The following ARAP1 variants were observed in gnomAD, a reference collection of about 807,000 sequenced individuals.
ARAP1 encodes the protein ArfGAP with RhoGAP domain, ankyrin repeat and PH domain 1, also known as arf-GAP with Rho-GAP domain, ANK repeat and PH domain-containing protein 1.
Under a neutral mutation model 172.2 loss-of-function variants are expected in ARAP1, and 76 were observed. The observed-to-expected ratio is 0.44, with a 90% confidence interval of 0.37 to 0.53. The LOEUF (loss-of-function observed/expected upper bound fraction) is 0.53. Among genes scored for constraint, ARAP1 ranks in the 20% least tolerant of loss-of-function variants. The probability of loss-of-function intolerance (pLI) is 0.00; values close to 1 mark genes in which losing one functional copy is unlikely to be tolerated. For missense variants in ARAP1, 1,686 were observed against 1,977.5 expected (o/e 0.85, Z 2.80); for synonymous variants, 804 against 803.3 (o/e 1.00, Z -0.01).
At chr11:72,752,109 G>A (rs924026443) in intron 1 of ARAP1, among the ~76,000 whole-genome samples, 14 of 152,346 alleles carry the variant, frequency 9.2e-5, no homozygotes, top group Middle Eastern at 3.4e-3. Flanking sequence ...TGGAAGCCCC[G>A]GGTCCCGCTG....
At chr11:72,738,196 G>A (rs1303808187) in intron 1 of ARAP1, among the ~76,000 whole-genome samples, 2 of 152,212 alleles carry the variant, frequency 1.3e-5, no homozygotes, top group Non-Finnish European at 2.9e-5. Flanking sequence ...AGGACCTGGT[G>A]AATTTGGTGA....
At chr11:72,732,004 T>C (rs1045699564) in intron 2 of ARAP1, among the ~76,000 whole-genome samples, 3 of 152,118 alleles carry the variant, frequency 2.0e-5, no homozygotes, top group Non-Finnish European at 4.4e-5. Context: ...AAAATATACA[T>C]ATGTTATATA....
At chr11:72,742,236 G>T (rs1414739763) in intron 1 of ARAP1, among the ~76,000 whole-genome samples, 1 of 152,148 alleles carries the variant, frequency 6.6e-6, no homozygotes, top group African/African-American at 2.4e-5. Context: ...AGGCCCACAG[G>T]GAGCCCTGGA....
rs537754389 is a variant in ARAP1 at position 72,702,445 on chromosome 11, G to A, written c.2167+460C>T. On this transcript the variant is annotated intron_variant, in intron 15 of 34. Coordinates refer to ENST00000393609, the MANE Select transcript of ARAP1 (RefSeq NM_001040118.3). ...CACCCACCCCAAGAGGGAGCCAATG[G>A]TACCCAAACCAAGTTCAGGATTGAG... 7.9e-5 allele frequency among the ~76,000 whole-genome samples: 12 copies of A among 152,276 alleles called. No individual in the cohort carries two copies. In the South Asian group the frequency reaches 2.5e-3, roughly 32 times the overall value.
intron 12 of ARAP1, among the ~76,000 whole-genome samples, chr11:72,706,282 T>G (rs1163062380): frequency 6.6e-6 from 1 of 152,150 alleles, no homozygotes; most frequent in African/African-American, 2.4e-5. Context: ...TCCTTCATCT[T>G]TCTACCCAGA....
chr11:72,713,352 A>C lies in ARAP1; in HGVS notation c.680-109T>G. 1.2e-5 allele frequency: 12 copies of C among 994,100 alleles called. No homozygotes were observed. In the South Asian group the frequency reaches 1.5e-4, roughly 12 times the overall value. 61.6% of individuals were successfully genotyped at this position (994,100 alleles called of 1,614,324 possible). On this transcript the variant is annotated intron_variant, in intron 4 of 34. Coordinates refer to ENST00000393609, the MANE Select transcript of ARAP1 (RefSeq NM_001040118.3). ...CCCCCATGCCAAGACCCCCATCCCC[A>C]CCTCCCCCTGGCTTTCAAAAAAAGG...
rs1307008183 is a variant in ARAP1, at chr11:72,699,166, C to A, written c.2439-59G>T. The A allele has an allele frequency of 2.6e-6, 4 of 1,568,028 alleles. No homozygotes were observed. Among genetic ancestry groups the A allele is most frequent in the African/African-American group, 2.7e-5 (2 of 74,010 alleles). ...TCATCCAGCACGGGCCCACCCCCAA[C>A]CCGCACCATCAACCGCCATCCTCTG... On this transcript the variant is annotated intron_variant, in intron 17 of 34. Coordinates refer to ENST00000393609, the MANE Select transcript of ARAP1 (RefSeq NM_001040118.3). The surrounding 1 kb of genome is among the most constrained non-coding windows in gnomAD (Gnocchi z 4.2).
At chr11:72,709,045 CA>C (rs34249967) in intron 11 of ARAP1, among the ~76,000 whole-genome samples, 529 of 50,294 alleles carry the variant, frequency 0.011, no homozygotes, top group African/African-American at 0.019. Context: ...TCTCAAAAAG[CA>C]AAAAAAAAAA....
rs138364636 is a variant in ARAP1 at position 72,710,474 on chromosome 11, G to A, written c.1327C>T (p.Arg443Cys). The change falls in exon 10 of 35, where the codon CGC (arginine) becomes TGC (cysteine). Residue 443 changes from arginine (R) to cysteine (C), a missense_variant. Physicochemically the swap from Arg to Cys is radical, Grantham distance 180. Coordinates refer to ENST00000393609, the MANE Select transcript of ARAP1 (RefSeq NM_001040118.3). This position sits in a 1 kb window ranked among gnomAD's most constrained non-coding sequence, Gnocchi z 4.3. The part of the protein sequence containing the change: ...LGVPGSEQPD[R>C]AGSLELRGFK... ...CCACGAAGCTCCAGGCTGCCAGCGCGGTCAGGCTGCTCTGAGCCTGGAACT... is the reference window on the plus strand; with the variant it reads ...CCACGAAGCTCCAGGCTGCCAGCGCAGTCAGGCTGCTCTGAGCCTGGAACT... 40 of 1,613,962 alleles carry A rather than the reference G, an allele frequency of 2.5e-5. No homozygotes were observed. The African/African-American group carries it at 3.6e-4, about 15-fold the overall frequency.
chr11:72,721,267 GGGA>G (rs1401590368), intron 3 of ARAP1, among the ~76,000 whole-genome samples: 5 of 152,158 alleles, frequency 3.3e-5, no homozygotes, highest in Non-Finnish European at 5.9e-5. Flanking sequence ...CTCAGGAAAG[GGGA>G]GACCAGCCCC....
intron 3 of ARAP1, among the ~76,000 whole-genome samples, chr11:72,722,796 T>C (rs1365141270): frequency 6.6e-6 from 1 of 152,186 alleles, no homozygotes; most frequent in South Asian, 2.1e-4. Context: ...ATCTGCGGCA[T>C]GACCCTGGAA....
rs773476771 is a variant in ARAP1 at position 72,741,376 on chromosome 11, C to T, written c.-127-8779G>A. On this transcript the variant is annotated intron_variant, in intron 1 of 34. Coordinates refer to ENST00000393609, the MANE Select transcript of ARAP1 (RefSeq NM_001040118.3). This position sits in a 1 kb window ranked among gnomAD's most constrained non-coding sequence, Gnocchi z 4.5. ...CTCCCAGTCCTCACCCTCGGCCTAG[C>T]TCAGGCCCTTCCCACTTAGAAAGGT... Among the ~76,000 whole-genome samples, 1 of 152,206 alleles carries T rather than the reference C, an allele frequency of 6.6e-6. No homozygotes were observed. The highest frequency in any genetic ancestry group is 1.5e-5 in the Non-Finnish European group (1 of 68,024).
intron 30 of ARAP1, among the ~76,000 whole-genome samples, chr11:72,692,200 C>A (rs1419495864): frequency 6.6e-6 from 1 of 152,094 alleles, no homozygotes; most frequent in South Asian, 2.1e-4. Context: ...CAGAAGTATC[C>A]CCCTAGGAAC....
intron 30 of ARAP1, among the ~76,000 whole-genome samples, chr11:72,691,815 G>A (rs1037021273): frequency 6.6e-6 from 1 of 152,072 alleles, no homozygotes; most frequent in African/African-American, 2.4e-5. Flanking sequence ...TTGGTACCAG[G>A]GACCAGTTCT....
rs1856940268 is a variant in ARAP1, at chr11:72,710,029, G to T, written c.1417-53C>A. On this transcript the variant is annotated intron_variant, in intron 10 of 34. Transcript: ENST00000393609. The surrounding 1 kb of genome is among the most constrained non-coding windows in gnomAD (Gnocchi z 4.3). ...GCAAGGCTTTGGGGGCAGGGCGTGA[G>T]GCTTGGGACAGGGAGAGGAAGGGAA... is the stretch of plus-strand genomic sequence containing the variant. The T allele has an allele frequency of 4.0e-6, 6 of 1,512,992 alleles. No homozygotes were observed. The South Asian group carries it at 6.7e-5, about 17-fold the overall frequency. 93.7% of individuals were successfully genotyped at this position (1,512,992 alleles called of 1,614,324 possible). A position where few individuals can be genotyped will look rare whatever the true frequency, so the allele number is the denominator to read the frequency against.
At chr11:72,692,467 G>C (rs1170995923) in intron 30 of ARAP1, among the ~76,000 whole-genome samples, 1 of 152,206 alleles carries the variant, frequency 6.6e-6, no homozygotes, top group Non-Finnish European at 1.5e-5. Context: ...TTCAAACCTA[G>C]GTGCCATCAT....
intron 3 of ARAP1, among the ~76,000 whole-genome samples, chr11:72,719,974 G>A (rs942174878): frequency 6.6e-6 from 1 of 152,118 alleles, no homozygotes; most frequent in African/African-American, 2.4e-5. Flanking sequence ...AGGCTGATCT[G>A]GGGCCTCCCT....
At position 72,713,260 on chromosome 11, in the gene ARAP1, TGG is replaced by T; in HGVS notation, c.680-19_680-18del. The stretch of plus-strand genomic sequence containing the variant: ...CAGAGTCATCTGGTGAGAGAGGGGT[TGG>T]GGGGCCTCAGGGCAAGGGGCCTGGC... On this transcript the variant is annotated intron_variant, in intron 4 of 34. Coordinates refer to ENST00000393609, the MANE Select transcript of ARAP1 (RefSeq NM_001040118.3). 6.2e-7 allele frequency: 1 copy of T among 1,613,532 alleles called. No individual in the cohort carries two copies. Among genetic ancestry groups the T allele is most frequent in the Non-Finnish European group, 8.5e-7 (1 of 1,179,622 alleles).
rs752068100 is a variant in ARAP1 at position 72,695,568 on chromosome 11, C to A, written c.3481G>T (p.Val1161Leu). 1 of 1,614,112 alleles carries A rather than the reference C, an allele frequency of 6.2e-7. No homozygotes were observed. Among genetic ancestry groups the A allele is most frequent in the South Asian group, 1.1e-5 (1 of 91,082 alleles). Reference sequence around the variant, plus strand: ...TGGGTCCCACTGGCAGTGCCAGCCACGCGCATCTTCACAATGGCAGTGATC... The same window carrying A: ...TGGGTCCCACTGGCAGTGCCAGCCAAGCGCATCTTCACAATGGCAGTGATC... ...EEITAIVKMR[V>L]AGTASGTQHA... is the part of the protein sequence containing the mutation. The change falls in exon 25 of 35, where the codon GTG becomes TTG. Residue 1161 changes from valine to leucine, a missense_variant. Val to Leu is a conservative substitution (Grantham distance 32, BLOSUM62 1). Coordinates refer to ENST00000393609, the MANE Select transcript of ARAP1 (RefSeq NM_001040118.3). The surrounding 1 kb of genome is among the most constrained non-coding windows in gnomAD (Gnocchi z 4.4).
Sources: allele counts gnomAD v4.1 joint callset (sites outside exome capture counted in the v4.1 genomes callset), GRCh38; gene constraint gnomAD v4.1.1; non-coding constraint Gnocchi (gnomAD v3.1); transcripts MANE v1.5; gene names NCBI Gene and HGNC (gene_info 2026-07-23, HGNC 2026-07-21).